MAP2: variants seen among roughly 807,000 people sequenced by gnomAD.
MAP2 encodes microtubule associated protein 2, also known as microtubule-associated protein 2.
A neutral mutation model predicts 137.6 loss-of-function variants in MAP2; 14 were observed. That is an observed-to-expected ratio of 0.10 (90% confidence interval 0.07 to 0.16). MAP2 has a LOEUF of 0.16. Among genes scored for constraint, MAP2 ranks in the 10% least tolerant of loss-of-function variants. MAP2 has a pLI of 1.00. For synonymous variants in MAP2, 786 were observed against 782.3 expected, an observed-to-expected ratio of 1.00 and a Z score of -0.08; for missense variants, 2,088 against 2,191.5, an observed-to-expected ratio of 0.95 and a Z score of 0.94.
intron 2 of MAP2, among the ~76,000 whole-genome samples, chr2:209,514,287 A>G (rs1020172393): frequency 5.3e-5 from 8 of 152,090 alleles, no homozygotes; most frequent in African/African-American, 1.9e-4. Context: ...ATTAAACCTA[A>G]TAATTATTGC....
chr2:209,586,514 GT>G (rs2077769438), intron 3 of MAP2, among the ~76,000 whole-genome samples: 1 of 152,074 alleles, frequency 6.6e-6, no homozygotes, highest in South Asian at 2.1e-4. Context: ...TTCCATTCCC[GT>G]TTCCTGCCCT....
chr2:209,676,745 A>ATG (rs1458815691), intron 5 of MAP2, among the ~76,000 whole-genome samples: 3 of 61,426 alleles, frequency 4.9e-5, no homozygotes, highest in Non-Finnish European at 1.3e-4. Context: ...ATATATATAT[A>ATG]TATATATATA....
intron 2 of MAP2, among the ~76,000 whole-genome samples, chr2:209,572,478 A>T (rs2074559009): frequency 6.6e-6 from 1 of 152,128 alleles, no homozygotes; most frequent in Non-Finnish European, 1.5e-5. Flanking sequence ...GCAGATAGTT[A>T]TAGGACTTTG....
chr2:209,463,759 T>C (rs1559194539), intron 1 of MAP2, among the ~76,000 whole-genome samples: 1 of 152,196 alleles, frequency 6.6e-6, no homozygotes, highest in Non-Finnish European at 1.5e-5. Context: ...TAATCTATGG[T>C]AGTTGTCTCG....
intron 3 of MAP2, among the ~76,000 whole-genome samples, chr2:209,603,088 C>T (rs1039445826): frequency 1.3e-5 from 2 of 152,070 alleles, no homozygotes; most frequent in Non-Finnish European, 2.9e-5. Context: ...CTGTGCACAG[C>T]CATGTTTTCA....
At chr2:209,688,434 A>T (rs2057817124) in intron 7 of MAP2, among the ~76,000 whole-genome samples, 1 of 152,212 alleles carries the variant, frequency 6.6e-6, no homozygotes, top group African/African-American at 2.4e-5. Context: ...CTATATTAAT[A>T]TGATAGATCT....
intron 2 of MAP2, among the ~76,000 whole-genome samples, chr2:209,547,784 G>C (rs1261197783): frequency 6.6e-6 from 1 of 151,918 alleles, no homozygotes; most frequent in African/African-American, 2.4e-5. Flanking sequence ...TTAAAATAAG[G>C]GTTAATTTTT....
intron 7 of MAP2, 51 bp from the exon 8 acceptor site, chr2:209,692,574 C>T (rs1171943975): frequency 2.0e-6 from 3 of 1,507,640 alleles, no homozygotes; most frequent in Non-Finnish European, 1.8e-6. Context: ...AAGCTTATTT[C>T]CTGAACGCAC....
chr2:209,532,219 C>G (rs1448027350), intron 2 of MAP2, among the ~76,000 whole-genome samples: 3 of 124,562 alleles, frequency 2.4e-5, no homozygotes, highest in African/African-American at 3.2e-5. Flanking sequence ...GCCTAGGTGA[C>G]AGAGGGAGAG....
intron 2 of MAP2, among the ~76,000 whole-genome samples, chr2:209,513,163 A>G (rs1012395663): frequency 6.6e-6 from 1 of 152,144 alleles, no homozygotes; most frequent in African/African-American, 2.4e-5. Context: ...TCTAACCAGT[A>G]AGCTTCAGTG....
intron 7 of MAP2, among the ~76,000 whole-genome samples, chr2:209,691,465 A>ATT (rs3835774): frequency 6.6e-6 from 1 of 151,392 alleles, no homozygotes; most frequent in African/African-American, 2.4e-5. Flanking sequence ...TTCATCAAGT[A>ATT]TTTTTTTTTC....
intron 5 of MAP2, among the ~76,000 whole-genome samples, chr2:209,672,562 C>A (rs2049304481): frequency 6.6e-6 from 1 of 151,824 alleles, no homozygotes; most frequent in Admixed American, 6.6e-5. Context: ...TTAACAAGGT[C>A]TTTTGGCTAG....
intron 2 of MAP2, among the ~76,000 whole-genome samples, chr2:209,508,629 A>G (rs192999867): frequency 4.3e-4 from 65 of 150,598 alleles, no homozygotes; most frequent in African/African-American, 1.6e-3. Flanking sequence ...AAAAACTACT[A>G]TTATTTCTCT....
At chr2:209,629,092 A>G (rs771093807) in intron 4 of MAP2, among the ~76,000 whole-genome samples, 14 of 152,228 alleles carry the variant, frequency 9.2e-5, no homozygotes, top group Non-Finnish European at 1.6e-4. Flanking sequence ...ATAATGTATA[A>G]TACCAAAAGA....
chr2:209,598,682 G>C (rs2153454599), intron 3 of MAP2, among the ~76,000 whole-genome samples: 1 of 150,182 alleles, frequency 6.7e-6, no homozygotes, highest in Non-Finnish European at 1.5e-5. Flanking sequence ...CCACCTATGA[G>C]TGAGAATATG....
intron 1 of MAP2, among the ~76,000 whole-genome samples, chr2:209,501,727 TG>T: frequency 6.6e-6 from 1 of 152,270 alleles, no homozygotes; most frequent in East Asian, 1.9e-4. Context: ...GACTGAGCCT[TG>T]GGGCAACATC....
chr2:209,489,916 A>T (rs745422371), intron 1 of MAP2, among the ~76,000 whole-genome samples: 3 of 152,236 alleles, frequency 2.0e-5, no homozygotes, highest in Non-Finnish European at 4.4e-5. Context: ...AGACAGGCCA[A>T]CATCAAATTC....
intron 2 of MAP2, among the ~76,000 whole-genome samples, chr2:209,575,364 T>A (rs1026142951): frequency 2.0e-5 from 3 of 151,372 alleles, no homozygotes; most frequent in Non-Finnish European, 4.4e-5. Flanking sequence ...TACTAAAAAT[T>A]CAGAAAACTA....
intron 5 of MAP2, among the ~76,000 whole-genome samples, chr2:209,661,283 T>A (rs6751280): frequency 0.068 from 10,405 of 152,240 alleles, 658 homozygotes; most frequent in African/African-American, 0.17. Flanking sequence ...ATGTAATATA[T>A]TAATTTATGC....
Sources: allele counts gnomAD v4.1 joint callset (sites outside exome capture counted in the v4.1 genomes callset), GRCh38; gene constraint gnomAD v4.1.1; transcripts MANE v1.5; gene names NCBI Gene and HGNC (gene_info 2026-07-23, HGNC 2026-07-21).